The following WDR27 variants were observed in gnomAD, a reference collection of about 807,000 sequenced individuals.
WDR27 encodes WD repeat-containing protein 27.
In WDR27, 100 loss-of-function variants were observed where a neutral mutation model predicts 114.4. The ratio of observed to expected loss-of-function variants is 0.87; its 90% CI spans 0.74 to 1.03. WDR27 has a LOEUF of 1.03. Ranked by LOEUF, WDR27 falls within the 50% of genes least tolerant of loss-of-function variation. The pLI, the probability that WDR27 is intolerant of heterozygous loss-of-function variation, is 0.00. For missense variants in WDR27, 1,129 were observed against 1,092.9 expected, an observed-to-expected ratio of 1.03 and a Z score of -0.47; for synonymous variants, 449 against 423.1, an observed-to-expected ratio of 1.06 and a Z score of -0.75.
chr6:169,576,758 C>T (rs1584335078), intron 24 of WDR27, among the ~76,000 whole-genome samples: 3 of 84,488 alleles, frequency 3.6e-5, no homozygotes, highest in East Asian at 7.1e-4. Context: ...GAGTGAGACC[C>T]TTTCTCACAA....
At position 169,602,190 on chromosome 6, in the gene WDR27, A is replaced by G. The variant is rs367933088; in HGVS notation, c.2424+29T>C. ...CACATTACCAAAGTCTAGACTCTCT[A>G]CATTTATAGACAGTCAAACAGTACA... On this transcript the variant is annotated intron_variant, in intron 23 of 25. Coordinates refer to ENST00000448612, the MANE Select transcript of WDR27 (RefSeq NM_182552.5). 1,629 of 1,489,332 alleles carry G rather than the reference A, an allele frequency of 1.1e-3. 2 individuals carry two copies. Among genetic ancestry groups the G allele is most frequent in the Non-Finnish European group, 1.4e-3 (1,568 of 1,096,328 alleles). The allele number at this position is 1,489,332 out of a possible 1,614,324, so 92.3% of individuals were successfully genotyped here. A position where few individuals can be genotyped will look rare whatever the true frequency, so the allele number is the denominator to read the frequency against.
At chr6:169,696,937 A>G (rs1786234647) in intron 1 of WDR27, among the ~76,000 whole-genome samples, 1 of 152,122 alleles carries the variant, frequency 6.6e-6, no homozygotes, top group African/African-American at 2.4e-5. Flanking sequence ...AGCAAAAACA[A>G]CAAAAACCTA....
At chr6:169,460,872 C>A (rs1784823722) in intron 25 of WDR27, among the ~76,000 whole-genome samples, 1 of 152,038 alleles carries the variant, frequency 6.6e-6, no homozygotes, top group Non-Finnish European at 1.5e-5. Context: ...CACATACAAG[C>A]AGACCTGCAC....
At chr6:169,620,684 C>A (rs1332024771) in intron 21 of WDR27, among the ~76,000 whole-genome samples, 1 of 152,212 alleles carries the variant, frequency 6.6e-6, no homozygotes, top group African/African-American at 2.4e-5. Context: ...GGTGCCCCGA[C>A]CACCATCGTC....
the WDR27 span, among the ~76,000 whole-genome samples, chr6:169,434,538 T>A: frequency 6.6e-6 from 1 of 152,182 alleles, no homozygotes. Context: ...TTTACAATTG[T>A]CTTGGTTCCA....
intron 13 of WDR27, among the ~76,000 whole-genome samples, chr6:169,653,188 T>C (rs1314377644): frequency 6.6e-6 from 1 of 152,212 alleles, no homozygotes; most frequent in African/African-American, 2.4e-5. Context: ...GTCAGAACCT[T>C]GGAAAACCAT....
intron 24 of WDR27, among the ~76,000 whole-genome samples, chr6:169,573,821 C>T (rs1406520730): frequency 6.6e-6 from 1 of 152,218 alleles, no homozygotes; most frequent in Non-Finnish European, 1.5e-5. Flanking sequence ...GCAGCCCACA[C>T]TTTCACACTC....
At chr6:169,430,877 C>T in the WDR27 span, among the ~76,000 whole-genome samples, 4 of 152,124 alleles carry the variant, frequency 2.6e-5, no homozygotes, top group Admixed American at 6.6e-5. Context: ...CATACATAGG[C>T]GGCCCCTCTC....
At chr6:169,636,889 G>A (rs184941641) in intron 18 of WDR27, among the ~76,000 whole-genome samples, 4 of 152,232 alleles carry the variant, frequency 2.6e-5, no homozygotes, top group Admixed American at 6.5e-5. Context: ...GCAAGCTGAC[G>A]GCATCCACAG....
intron 25 of WDR27, among the ~76,000 whole-genome samples, chr6:169,553,682 T>C (rs1798499575): frequency 6.6e-6 from 1 of 152,226 alleles, no homozygotes; most frequent in African/African-American, 2.4e-5. Context: ...AATTGATATT[T>C]TTATGTGAAC....
rs189560109 is a variant in WDR27 at position 169,526,570 on chromosome 6, G to A, written c.2645+45849C>T. Among the ~76,000 whole-genome samples, 360 of 152,110 alleles carry A rather than the reference G, an allele frequency of 2.4e-3. 2 individuals carry two copies. Among genetic ancestry groups the A allele is most frequent in the African/African-American group, 8.0e-3 (334 of 41,500 alleles). ...AGAGGTTGCAGTGAGCAGAGACTGC[G>A]CCACTGTACTCCAGCCTGGGTGACA... On this transcript the variant is annotated intron_variant, in intron 25 of 25. Transcript: ENST00000448612.
intron 22 of WDR27, among the ~76,000 whole-genome samples, chr6:169,611,061 A>G (rs980972236): frequency 2.0e-5 from 3 of 152,186 alleles, no homozygotes; most frequent in Non-Finnish European, 4.4e-5. Flanking sequence ...ACAATTAAAT[A>G]AAATAAAAGA....
At chr6:169,444,078 C>T in the WDR27 span, among the ~76,000 whole-genome samples, 2 of 152,122 alleles carry the variant, frequency 1.3e-5, no homozygotes, top group East Asian at 3.9e-4. Context: ...GGCTGAAGTG[C>T]ATGAGACTCC....
At chr6:169,535,226 A>G (rs1796075210) in intron 25 of WDR27, among the ~76,000 whole-genome samples, 1 of 152,220 alleles carries the variant, frequency 6.6e-6, no homozygotes, top group Non-Finnish European at 1.5e-5. Flanking sequence ...GATACCTAAC[A>G]GTAGAGTAAA....
intron 25 of WDR27, among the ~76,000 whole-genome samples, chr6:169,467,364 T>A (rs1785727144): frequency 1.3e-5 from 2 of 152,208 alleles, no homozygotes; most frequent in South Asian, 4.1e-4. Context: ...ACCCACATTT[T>A]CCTTCTGCAC....
In WDR27 at chr6:169,609,251, C is replaced by T. The variant is rs531410986; in HGVS notation, c.2321+4308G>A. Among the ~76,000 whole-genome samples the T allele has an allele frequency of 1.3e-5, 2 of 152,292 alleles. 1 individual carries two copies. Among genetic ancestry groups the T allele is most frequent in the South Asian group, 4.1e-4 (2 of 4,820 alleles). ...CTGGAGGATGGTGGCCCTCTTCTCA[C>T]AGCTCCACTAGGCAGTGCCCCATTA... On this transcript the variant is annotated intron_variant, in intron 22 of 25. Transcript: ENST00000448612.
intron 18 of WDR27, among the ~76,000 whole-genome samples, 161 bp from the exon 19 acceptor site, chr6:169,636,665 C>T (rs1399679553): frequency 2.0e-5 from 3 of 152,214 alleles, no homozygotes; most frequent in African/African-American, 7.2e-5. Context: ...TTTCTGCCTA[C>T]TACTTCTGAA....
chr6:169,469,315 GCATAA>G (rs1786032387), intron 25 of WDR27, among the ~76,000 whole-genome samples: 1 of 152,212 alleles, frequency 6.6e-6, no homozygotes, highest in Non-Finnish European at 1.5e-5. Context: ...GGTAGGACAG[GCATAA>G]CATAGACATT....
chr6:169,607,415 CACACACACATATA>C (rs1392925237), intron 22 of WDR27, among the ~76,000 whole-genome samples: 2 of 36,854 alleles, frequency 5.4e-5, no homozygotes, highest in East Asian at 1.3e-3. Context: ...CACACACACA[CACACACACATATA>C]ATATAATATT....
Sources: gnomAD v4.1 joint callset for allele counts (sites outside exome capture counted in the v4.1 genomes callset) on GRCh38, gnomAD v4.1.1 for gene constraint, MANE v1.5 for transcripts, NCBI Gene and HGNC (gene_info 2026-07-23, HGNC 2026-07-21) for gene names.